The following FER variants were observed in gnomAD, a reference collection of about 807,000 sequenced individuals.
The protein encoded by FER is tyrosine-protein kinase Fer.
FER carries 63 observed loss-of-function variants against 111.0 expected under a neutral mutation model. That is an observed-to-expected ratio of 0.57 (90% CI 0.46 to 0.70). The LOEUF is 0.70. FER is among the 30% of genes least tolerant of loss of function. The pLI, the probability that FER is intolerant of heterozygous loss-of-function variation, is 0.00. For synonymous variants in FER, 327 were observed against 313.9 expected (o/e 1.04, Z -0.44); for missense variants, 914 against 954.0 (o/e 0.96, Z 0.55).
At chr5:109,156,518 G>GACCTAGGA (rs1324808380) in intron 17 of FER, among the ~76,000 whole-genome samples, 2 of 151,918 alleles carry the variant, frequency 1.3e-5, no homozygotes, top group African/African-American at 4.8e-5. Context: ...CAGAGATCTA[G>GACCTAGGA]GTCTAGATCT....
In FER at chr5:108,959,740, C is replaced by T. The variant is rs931153687; in HGVS notation, c.1656+393C>T. Among the ~76,000 whole-genome samples the T allele has an allele frequency of 3.9e-5, 6 of 152,002 alleles. 1 individual carries two copies. The highest frequency in any genetic ancestry group is 1.4e-4 in the African/African-American group (6 of 41,428). ...ATTAGGGTTTTAATTTGGGATGTTA[C>T]ATTTACAATGTATTATAAGATATTG... On this transcript the variant is annotated intron_variant, in intron 13 of 19. Transcript: ENST00000281092.
intron 2 of FER, among the ~76,000 whole-genome samples, chr5:108,771,504 C>G (rs1752897090): frequency 6.6e-6 from 1 of 152,054 alleles, no homozygotes; most frequent in African/African-American, 2.4e-5. Context: ...GTGACCTGCC[C>G]AAGATCATGT....
At chr5:108,906,403 C>T (rs1750772316) in intron 10 of FER, among the ~76,000 whole-genome samples, 1 of 152,006 alleles carries the variant, frequency 6.6e-6, no homozygotes, top group Admixed American at 6.6e-5. Context: ...ATCTACTCTT[C>T]TCTGTACTTG....
chr5:109,052,516 T>C, intron 16 of FER: 1 of 761,726 alleles, frequency 1.3e-6, no homozygotes, highest in Non-Finnish European at 2.3e-6. Context: ...GTGATTGAAC[T>C]CCTTGGAGGA....
At position 109,018,001 on chromosome 5, in the gene FER, A is replaced by G. The variant is rs572158262; in HGVS notation, c.1657-19421A>G. ...CTTTTTAAAAACCCTATTTTCTAAC[A>G]TCTTACTTTGTAATAGTAGGGAAAG... On this transcript the variant is annotated intron_variant, in intron 13 of 19. Coordinates refer to ENST00000281092, the MANE Select transcript of FER (RefSeq NM_005246.4). Among the ~76,000 whole-genome samples the G allele has an allele frequency of 4.6e-5, 7 of 151,998 alleles. No individual in the cohort carries two copies. The East Asian group carries it at 1.2e-3, about 25-fold the overall frequency.
At chr5:109,048,862 T>C (rs1200450194) in intron 16 of FER, among the ~76,000 whole-genome samples, 1 of 151,808 alleles carries the variant, frequency 6.6e-6, no homozygotes, top group Non-Finnish European at 1.5e-5. Flanking sequence ...ATTACTATAA[T>C]GTGTGATGGT....
At chr5:109,108,813 A>G (rs776776150) in intron 17 of FER, among the ~76,000 whole-genome samples, 5 of 152,178 alleles carry the variant, frequency 3.3e-5, no homozygotes, top group South Asian at 2.1e-4. Context: ...CTTGCAAATT[A>G]TCTCCTACTT....
chr5:108,839,572 CTTTTT>C (rs1232820003), intron 5 of FER, among the ~76,000 whole-genome samples: 5 of 94,734 alleles, frequency 5.3e-5, no homozygotes, highest in African/African-American at 2.2e-4. Context: ...ATGCCATTTT[CTTTTT>C]TTTTTTTTTT....
At position 108,839,572 on chromosome 5, in the gene FER, C is replaced by CTTTTTT. The variant is rs1232820003; in HGVS notation, c.481+3783_481+3788dup. Reference sequence around the variant, plus strand: ...TCCTACCCCAACCCCATGCCATTTTCTTTTTTTTTTTTTTTTTTTTTTTGA... The same window carrying CTTTTTT: ...TCCTACCCCAACCCCATGCCATTTTCTTTTTTTTTTTTTTTTTTTTTTTTTTTTTGA... On this transcript the variant is annotated intron_variant, in intron 5 of 19. Coordinates refer to ENST00000281092, the MANE Select transcript of FER (RefSeq NM_005246.4). Among the ~76,000 whole-genome samples the CTTTTTT allele has an allele frequency of 6.6e-3, 620 of 94,532 alleles. 1 individual carries two copies. Among genetic ancestry groups the CTTTTTT allele is most frequent in the Non-Finnish European group, 8.4e-3 (415 of 49,238 alleles). 62.0% of individuals were successfully genotyped at this position (94,532 alleles called of 152,430 possible).
At chr5:108,917,453 A>G (rs929194976) in intron 10 of FER, among the ~76,000 whole-genome samples, 1 of 152,166 alleles carries the variant, frequency 6.6e-6, no homozygotes, top group Admixed American at 6.5e-5. Flanking sequence ...TGAAAGTCTA[A>G]TTTAACTTTT....
intron 13 of FER, among the ~76,000 whole-genome samples, chr5:109,008,676 C>G (rs979263476): frequency 6.6e-6 from 1 of 152,142 alleles, no homozygotes; most frequent in African/African-American, 2.4e-5. Context: ...GCCACTCCAT[C>G]CTTATCTTAA....
At chr5:109,178,951 G>A (rs1757997980) in intron 17 of FER, among the ~76,000 whole-genome samples, 1 of 151,922 alleles carries the variant, frequency 6.6e-6, no homozygotes, top group South Asian at 2.1e-4. Context: ...ATTTTTTTCA[G>A]TCAAGTTTTG....
intron 17 of FER, among the ~76,000 whole-genome samples, chr5:109,176,956 A>G (rs1757766783): frequency 6.6e-6 from 1 of 152,250 alleles, no homozygotes; most frequent in African/African-American, 2.4e-5. Context: ...AAACAAATAT[A>G]TACATGTAGT....
intron 9 of FER, among the ~76,000 whole-genome samples, chr5:108,890,643 A>G (rs116379268): frequency 0.014 from 2,132 of 152,192 alleles, 12 homozygotes; most frequent in Non-Finnish European, 0.022. Context: ...CTACTCCTGT[A>G]TAATCTCATC....
intron 13 of FER, among the ~76,000 whole-genome samples, chr5:109,003,566 TGTAA>T: frequency 1.3e-5 from 2 of 151,990 alleles, no homozygotes; most frequent in Non-Finnish European, 2.9e-5. Flanking sequence ...TGTATACATA[TGTAA>T]CAAACCTGCA....
intron 17 of FER, among the ~76,000 whole-genome samples, chr5:109,139,971 T>C (rs542851977): frequency 1.3e-5 from 2 of 152,280 alleles, no homozygotes; most frequent in East Asian, 3.9e-4. Flanking sequence ...ATATCAGAAA[T>C]AAAAGCCAAA....
At chr5:109,011,997 T>C (rs1355797313) in intron 13 of FER, among the ~76,000 whole-genome samples, 1 of 152,192 alleles carries the variant, frequency 6.6e-6, no homozygotes, top group Non-Finnish European at 1.5e-5. Context: ...GCTTCCCTTT[T>C]CTCCCCAGCA....
chr5:109,141,651 T>C (rs986148963), intron 17 of FER, among the ~76,000 whole-genome samples: 4 of 152,170 alleles, frequency 2.6e-5, no homozygotes, highest in Non-Finnish European at 5.9e-5. Context: ...TCCACAATCA[T>C]AGAGGCAGAG....
At chr5:108,952,502 A>T (rs1044835328) in intron 11 of FER, among the ~76,000 whole-genome samples, 2 of 150,560 alleles carry the variant, frequency 1.3e-5, no homozygotes, top group Non-Finnish European at 2.9e-5. Flanking sequence ...ATACACACAT[A>T]CACTGACAGT....
Sources: gnomAD v4.1 joint callset for allele counts (sites outside exome capture counted in the v4.1 genomes callset) on GRCh38, gnomAD v4.1.1 for gene constraint, MANE v1.5 for transcripts, NCBI Gene and HGNC (gene_info 2026-07-23, HGNC 2026-07-21) for gene names.